AKAP9: variants seen among roughly 807,000 people sequenced by gnomAD.
AKAP9 encodes the protein A-kinase anchoring protein 9, also known as A-kinase anchor protein 9.
In AKAP9, 311 loss-of-function variants were observed where a neutral mutation model predicts 488.5. That is an observed-to-expected ratio of 0.64 (90% CI 0.58 to 0.70). AKAP9 has a LOEUF of 0.70. Among genes scored for constraint, AKAP9 ranks in the 30% least tolerant of loss-of-function variants. The probability of loss-of-function intolerance (pLI) is 0.00; values close to 1 mark genes in which losing one functional copy is unlikely to be tolerated. For missense variants in AKAP9, 4,215 were observed against 4,374.5 expected (o/e 0.96, Z 1.03); for synonymous variants, 1,462 against 1,483.5 (o/e 0.99, Z 0.33).
chr7:92,031,569 C>A lies in AKAP9; in HGVS notation c.4303C>A (p.Gln1435Lys), dbSNP rs775812540. 1 of 1,612,210 alleles carries A rather than the reference C, an allele frequency of 6.2e-7. No individual in the cohort carries two copies. The highest frequency in any genetic ancestry group is 2.2e-5 in the East Asian group (1 of 44,686). The stretch of plus-strand genomic sequence containing the variant: ...AAATATCGTTAAGTTGCTTGAAAAA[C>A]AATACCAAGAACAATTAGAAGAAGA... ...ETNIVKLLEK[Q>K]YQEQLEEEVA... Residue 1435 changes from glutamine (Q) to lysine (K), a missense_variant, in exon 16 of 50, where the codon CAA becomes AAA. This residue lies in a region of AKAP9 where 2,361 missense variants were observed against 2,430.0 expected (regional missense o/e 0.97). Transcript: ENST00000356239.
intron 16 of AKAP9, among the ~76,000 whole-genome samples, chr7:92,033,440 T>C: frequency 7.0e-6 from 1 of 142,058 alleles, no homozygotes. Context: ...TTCTTTTCTT[T>C]TCTTTTTTTT....
rs762979640 is a variant in AKAP9 at position 92,001,078 on chromosome 7, AAGAC to A, written c.1164_1167del (p.Arg388SerfsTer6). ...AGCTGACTAATTCTAAGCAAAAAGA[AAGAC>A]AGTCTTCTGAAGAAATAAAACAGTT... is the stretch of plus-strand genomic sequence containing the variant. On this transcript the variant is annotated frameshift_variant, in exon 8 of 50. Transcript: ENST00000356239. LOFTEE classifies it high-confidence loss of function. 2.5e-6 allele frequency: 4 copies of A among 1,613,596 alleles called. No individual in the cohort carries two copies. The highest frequency in any genetic ancestry group is 3.4e-6 in the Non-Finnish European group (4 of 1,179,744).
intron 8 of AKAP9, among the ~76,000 whole-genome samples, chr7:92,006,517 A>G (rs987135616): frequency 6.6e-6 from 1 of 152,176 alleles, no homozygotes; most frequent in Non-Finnish European, 1.5e-5. Flanking sequence ...GATTCCCTCT[A>G]TTTGACATTG....
chr7:92,085,976 G>T (rs978970797), intron 36 of AKAP9, among the ~76,000 whole-genome samples: 6 of 152,010 alleles, frequency 3.9e-5, no homozygotes, highest in Admixed American at 3.9e-4. Flanking sequence ...GGTGGTGGGT[G>T]CCTGTAATCC....
chr7:92,035,906 T>C (rs942829176), intron 16 of AKAP9, among the ~76,000 whole-genome samples: 1 of 152,144 alleles, frequency 6.6e-6, no homozygotes, highest in Non-Finnish European at 1.5e-5. Flanking sequence ...AGTATTTCAA[T>C]TTACCCACAT....
In AKAP9 at chr7:91,995,764, T is replaced by A. The variant is rs1257783954; in HGVS notation, c.894T>A (p.Ile298=). The A allele has an allele frequency of 6.2e-7, 1 of 1,611,776 alleles. No individual in the cohort carries two copies. Among genetic ancestry groups the A allele is most frequent in the Non-Finnish European group, 8.5e-7 (1 of 1,178,198 alleles). ...QKKKEDFTMQ[I]SFLQEKIKVY... ...AGAAAGAAGACTTCACAATGCAAATTAGTTTCTTGCAAGAGAAAATTAAAG... is the reference window on the plus strand; with the variant it reads ...AGAAAGAAGACTTCACAATGCAAATAAGTTTCTTGCAAGAGAAAATTAAAG... The change falls in exon 7 of 50, where the codon ATT becomes ATA. Residue 298 remains isoleucine, a synonymous_variant. Coordinates refer to ENST00000356239, the MANE Select transcript of AKAP9 (RefSeq NM_005751.5).
rs529622659 is a variant in AKAP9 at position 92,089,508 on chromosome 7, G to A, written c.9337G>A (p.Glu3113Lys). The change falls in exon 38 of 50, where the codon GAG becomes AAG. Residue 3113 changes from glutamate (E) to lysine (K), a missense_variant. Glu to Lys is a moderately conservative substitution (Grantham distance 56). Transcript: ENST00000356239. ...GRKITLKREQ[E>K]SEKPSQELLE... Reference sequence around the variant, plus strand: ...GAAAATTACTCTGAAAAGAGAACAAGAGAGTGAGAAACCAAGCCAAGGTAT... The same window carrying A: ...GAAAATTACTCTGAAAAGAGAACAAAAGAGTGAGAAACCAAGCCAAGGTAT... 55 of 1,613,484 alleles carry A rather than the reference G, an allele frequency of 3.4e-5. No individual in the cohort carries two copies. The South Asian group carries it at 6.0e-4, about 18-fold the overall frequency.
At chr7:92,056,243 G>A (rs191569480) in intron 22 of AKAP9, among the ~76,000 whole-genome samples, 5 of 151,726 alleles carry the variant, frequency 3.3e-5, no homozygotes, top group African/African-American at 9.7e-5. Context: ...GTTTATAAAG[G>A]GTTGTTTCTT....
intron 1 of AKAP9, among the ~76,000 whole-genome samples, chr7:91,948,153 A>G (rs999288400): frequency 2.0e-5 from 3 of 152,192 alleles, no homozygotes; most frequent in African/African-American, 7.2e-5. Context: ...ATAATATTCC[A>G]TTGTATGTAT....
rs1404631107 is a variant in AKAP9, at chr7:92,022,809, CAT to C, written c.3953-3_3953-2del. On this transcript the variant is annotated splice_region_variant and splice_polypyrimidine_tract_variant and intron_variant, in intron 13 of 49. Coordinates refer to ENST00000356239, the MANE Select transcript of AKAP9 (RefSeq NM_005751.5). ...GTGCATTTTTTGTCTCTTTATATAACATAGATGTCAATCATAAAAGCAAGTTA... is the reference window on the plus strand; with the variant it reads ...GTGCATTTTTTGTCTCTTTATATAACAGATGTCAATCATAAAAGCAAGTTA... 1.3e-6 allele frequency: 2 copies of C among 1,558,258 alleles called. No homozygotes were observed. The highest frequency in any genetic ancestry group is 1.1e-5 in the South Asian group (1 of 89,324).
Position 91,993,075 on chromosome 7 carries a change from C to T in AKAP9, c.576+20C>T. On this transcript the variant is annotated intron_variant, in intron 5 of 49. Transcript: ENST00000356239. ...CAGCAGGTATGTTTATTTTCTGTGGCTTTTGATTTGCTACTCACAAAAACA... is the reference window on the plus strand; with the variant it reads ...CAGCAGGTATGTTTATTTTCTGTGGTTTTTGATTTGCTACTCACAAAAACA... 1 of 1,613,658 alleles carries T rather than the reference C, an allele frequency of 6.2e-7. No individual in the cohort carries two copies. The highest frequency in any genetic ancestry group is 8.5e-7 in the Non-Finnish European group (1 of 1,179,710).
chr7:92,010,734 A>G (rs1361147881), intron 8 of AKAP9, among the ~76,000 whole-genome samples: 2 of 152,212 alleles, frequency 1.3e-5, no homozygotes, highest in East Asian at 3.9e-4. Context: ...GCTCACTGCA[A>G]CCTTGAACTC....
intron 1 of AKAP9, among the ~76,000 whole-genome samples, chr7:91,953,909 TTA>T (rs1221240687): frequency 6.7e-6 from 1 of 148,494 alleles, no homozygotes; most frequent in African/African-American, 2.5e-5. Context: ...GTAAAAACCA[TTA>T]TGTGTTTCTT....
intron 1 of AKAP9, among the ~76,000 whole-genome samples, chr7:91,970,150 A>T (rs578099129): frequency 6.6e-6 from 1 of 152,250 alleles, no homozygotes; most frequent in South Asian, 2.1e-4. Flanking sequence ...TAATGATATG[A>T]CAACTTACTT....
chr7:92,052,198 C>T (rs183741739), intron 21 of AKAP9, among the ~76,000 whole-genome samples: 2 of 152,132 alleles, frequency 1.3e-5, no homozygotes, highest in Non-Finnish European at 2.9e-5. Flanking sequence ...AATTCAAGCA[C>T]TTATTTCTAT....
rs780302398 is a variant in AKAP9, at chr7:92,043,658, ATTAGT to A, written c.5162+895_5162+899del. 6.6e-5 allele frequency among the ~76,000 whole-genome samples: 10 copies of A among 152,280 alleles called. No individual in the cohort carries two copies. The South Asian group carries it at 1.9e-3, about 28-fold the overall frequency. On this transcript the variant is annotated intron_variant, in intron 20 of 49. Coordinates refer to ENST00000356239, the MANE Select transcript of AKAP9 (RefSeq NM_005751.5). ...AATAAAACCCTTGGCTTCCTACTAA[ATTAGT>A]TTAGTTTTATTTTTAGTATTCTTGA...
At chr7:91,967,101 T>C (rs1057093918) in intron 1 of AKAP9, among the ~76,000 whole-genome samples, 39 of 152,300 alleles carry the variant, frequency 2.6e-4, no homozygotes, top group African/African-American at 9.1e-4. Flanking sequence ...ATTACTTTCT[T>C]GATTTCTTTT....
intron 21 of AKAP9, among the ~76,000 whole-genome samples, chr7:92,050,557 C>T (rs916967117): frequency 1.3e-5 from 2 of 152,106 alleles, no homozygotes; most frequent in East Asian, 1.9e-4. Flanking sequence ...GTCTTGAAGC[C>T]GTCTCTTTTT....
intron 31 of AKAP9, among the ~76,000 whole-genome samples, chr7:92,080,430 C>G (rs376690315): frequency 4.9e-4 from 75 of 152,148 alleles, no homozygotes; most frequent in Middle Eastern, 3.4e-3. Flanking sequence ...AACCCCGTCT[C>G]TACTAAAAAT....
Sources: gnomAD v4.1 joint callset for allele counts (sites outside exome capture counted in the v4.1 genomes callset) on GRCh38, gnomAD v4.1.1 for gene constraint, gnomAD v4.1.1 regional missense constraint, MANE v1.5 for transcripts, NCBI Gene and HGNC (gene_info 2026-07-23, HGNC 2026-07-21) for gene names.